Variants in PHF3 observed in about 807,000 individuals in gnomAD.
The protein encoded by PHF3 is PHD finger protein 3.
In PHF3, 41 loss-of-function variants were observed where a neutral mutation model predicts 178.4. That is an observed-to-expected ratio of 0.23 (90% CI 0.18 to 0.30). PHF3 has a LOEUF of 0.30. Among genes scored for constraint, PHF3 ranks in the 10% least tolerant of loss-of-function variants. The probability of loss-of-function intolerance (pLI) is 1.00; values close to 1 mark genes in which losing one functional copy is unlikely to be tolerated. For synonymous variants in PHF3, 842 were observed against 800.5 expected, an observed-to-expected ratio of 1.05 and a Z score of -0.88; for missense variants, 2,346 against 2,398.1, an observed-to-expected ratio of 0.98 and a Z score of 0.45.
At chr6:63,637,506 GTGT>G (rs1405270958) in intron 1 of PHF3, among the ~76,000 whole-genome samples, 1 of 152,178 alleles carries the variant, frequency 6.6e-6, no homozygotes, top group Non-Finnish European at 1.5e-5. Flanking sequence ...GCACAAAAAG[GTGT>G]TGTGTAAAGA....
chr6:63,686,993 G>A (rs1033484757), intron 4 of PHF3, among the ~76,000 whole-genome samples: 3 of 152,174 alleles, frequency 2.0e-5, no homozygotes, highest in Non-Finnish European at 2.9e-5. Flanking sequence ...GATCCAGCCC[G>A]TGGCCTATTT....
chr6:63,672,235 TA>T (rs1213620737), intron 2 of PHF3, among the ~76,000 whole-genome samples: 11 of 152,292 alleles, frequency 7.2e-5, no homozygotes, highest in Admixed American at 7.2e-4. Context: ...TGCTATTGCA[TA>T]AAAAAATCTA....
chr6:63,704,194 C>T (rs1440361703), intron 11 of PHF3, among the ~76,000 whole-genome samples: 1 of 152,110 alleles, frequency 6.6e-6, no homozygotes, highest in African/African-American at 2.4e-5. Flanking sequence ...TAGCAACATC[C>T]CACACCAGAG....
At chr6:63,649,373 A>G (rs972791093) in intron 2 of PHF3, among the ~76,000 whole-genome samples, 3 of 152,182 alleles carry the variant, frequency 2.0e-5, no homozygotes, top group Non-Finnish European at 4.4e-5. Context: ...TTCTGGCACA[A>G]TGGGCTTTTA....
chr6:63,661,762 A>G (rs988569104), intron 2 of PHF3, among the ~76,000 whole-genome samples: 1 of 152,164 alleles, frequency 6.6e-6, no homozygotes, highest in Admixed American at 6.5e-5. Flanking sequence ...TGAGAATGTA[A>G]TTAGCCTTTT....
intron 14 of PHF3, 77 bp downstream of exon 14, chr6:63,709,317 G>T: frequency 3.1e-6 from 3 of 958,222 alleles, no homozygotes. Context: ...TTATGCAAGG[G>T]TGCAAAGTCT....
intron 1 of PHF3, among the ~76,000 whole-genome samples, chr6:63,645,383 TTTA>T (rs1764742302): frequency 6.6e-6 from 1 of 152,174 alleles, no homozygotes; most frequent in African/African-American, 2.4e-5. Flanking sequence ...ATAGACCCTG[TTTA>T]TTATTGGGGC....
intron 2 of PHF3, among the ~76,000 whole-genome samples, chr6:63,661,222 A>T (rs936858235): frequency 1.3e-5 from 2 of 152,206 alleles, no homozygotes; most frequent in African/African-American, 4.8e-5. Context: ...GAAGGCAGGG[A>T]TTGCAGCTAT....
In PHF3 at chr6:63,663,668, C is replaced by T. The variant is rs916052683; in HGVS notation, c.245-16332C>T. 3.9e-5 allele frequency among the ~76,000 whole-genome samples: 6 copies of T among 152,096 alleles called. No individual in the cohort carries two copies. In the East Asian group the frequency reaches 1.2e-3, roughly 29 times the overall value. Reference sequence around the variant, plus strand: ...TTGGCCTTGGTTTTAGTTAGGATTACACTCAGCTAACAGTGATAGAAAACT... The same window carrying T: ...TTGGCCTTGGTTTTAGTTAGGATTATACTCAGCTAACAGTGATAGAAAACT... On this transcript the variant is annotated intron_variant, in intron 2 of 15. Coordinates refer to ENST00000262043, the MANE Select transcript of PHF3 (RefSeq NM_001370348.2).
chr6:63,682,229 T>C (rs1206451500), intron 3 of PHF3, among the ~76,000 whole-genome samples: 1 of 152,032 alleles, frequency 6.6e-6, no homozygotes, highest in Admixed American at 6.6e-5. Context: ...GAAATCTAAC[T>C]GCTACTTTTA....
Position 63,723,688 on chromosome 6 carries a change from A to G in PHF3, c.*9980A>G, listed in dbSNP as rs1457789503. On this transcript the variant is annotated 3_prime_UTR_variant, in exon 16 of 16. Transcript: ENST00000262043. Reference sequence around the variant, plus strand: ...GACAAAAAGTTTTCTTTCTGTGGCTATGGAAGCTAAAAGCTGTATTAGCTT... The same window carrying G: ...GACAAAAAGTTTTCTTTCTGTGGCTGTGGAAGCTAAAAGCTGTATTAGCTT... 1.3e-5 allele frequency among the ~76,000 whole-genome samples: 2 copies of G among 152,002 alleles called. No individual in the cohort carries two copies. Among genetic ancestry groups the G allele is most frequent in the African/African-American group, 2.4e-5 (1 of 41,426 alleles).
intron 2 of PHF3, among the ~76,000 whole-genome samples, chr6:63,673,715 G>A (rs1766028089): frequency 6.6e-6 from 1 of 152,194 alleles, no homozygotes; most frequent in Non-Finnish European, 1.5e-5. Flanking sequence ...ATGCCTCCCA[G>A]ACCCTTTCTA....
intron 2 of PHF3, among the ~76,000 whole-genome samples, chr6:63,670,725 T>TTTAAAACATAG (rs1235071757): frequency 2.6e-5 from 4 of 152,246 alleles, no homozygotes; most frequent in African/African-American, 9.6e-5. Flanking sequence ...TTAAGCTATG[T>TTTAAAACATAG]TTTAAGACTG....
At chr6:63,703,867 T>C (rs1767583255) in intron 11 of PHF3, among the ~76,000 whole-genome samples, 196 bp downstream of exon 11, 1 of 152,206 alleles carries the variant, frequency 6.6e-6, no homozygotes, top group Non-Finnish European at 1.5e-5. Flanking sequence ...GTCTACTGTC[T>C]AGACCTAATT....
chr6:63,657,167 T>C (rs78171542), intron 2 of PHF3, among the ~76,000 whole-genome samples: 1 of 152,340 alleles, frequency 6.6e-6, no homozygotes, highest in East Asian at 1.9e-4. Flanking sequence ...TAGATGCTTA[T>C]TGCCATATTT....
At chr6:63,698,651 T>G in intron 8 of PHF3, 46 bp downstream of exon 8, 1 of 1,319,948 alleles carries the variant, frequency 7.6e-7, no homozygotes, top group Non-Finnish European at 1.0e-6. Flanking sequence ...CTTTCCTGAG[T>G]ACATAGGTAT....
At position 63,636,050 on chromosome 6, in the gene PHF3, T is replaced by C; in HGVS notation, c.-126T>C. The C allele has an allele frequency of 2.5e-6, 1 of 394,044 alleles. No individual in the cohort carries two copies. The highest frequency in any genetic ancestry group is 4.5e-6 in the Non-Finnish European group (1 of 223,436). The allele number at this position is 394,044 out of a possible 1,614,324, so 24.4% of individuals were successfully genotyped here. On this transcript the variant is annotated 5_prime_UTR_variant, in exon 1 of 16. Coordinates refer to ENST00000262043, the MANE Select transcript of PHF3 (RefSeq NM_001370348.2). ...GCCGACGTCCTGCGCGTACCCCCTCTCCGCGGCACCCACCGGGCCCCCTCC... is the reference window on the plus strand; with the variant it reads ...GCCGACGTCCTGCGCGTACCCCCTCCCCGCGGCACCCACCGGGCCCCCTCC...
intron 2 of PHF3, among the ~76,000 whole-genome samples, chr6:63,668,703 T>C (rs1176190714): frequency 6.6e-6 from 1 of 152,118 alleles, no homozygotes; most frequent in Non-Finnish European, 1.5e-5. Flanking sequence ...TCACAGTGCT[T>C]TTTTCCTTAA....
In PHF3 at chr6:63,724,115, G is replaced by A. The variant is rs114259742; in HGVS notation, c.*10407G>A. Among the ~76,000 whole-genome samples the A allele has an allele frequency of 3.7e-3, 564 of 152,150 alleles. 1 individual carries two copies. The highest frequency in any genetic ancestry group is 0.013 in the African/African-American group (520 of 41,542). ...TGCCACTGCACCTGGCCTTGGATTC[G>A]CATTAGAGTAAGAAAATGTAATGAA... On this transcript the variant is annotated 3_prime_UTR_variant, in exon 16 of 16. Transcript: ENST00000262043.
Sources: allele counts gnomAD v4.1 joint callset (sites outside exome capture counted in the v4.1 genomes callset), GRCh38; gene constraint gnomAD v4.1.1; transcripts MANE v1.5; gene names NCBI Gene and HGNC (gene_info 2026-07-23, HGNC 2026-07-21).